SLC24A3: variants seen among roughly 807,000 people sequenced by gnomAD.
The protein encoded by SLC24A3 is sodium/potassium/calcium exchanger 3.
In SLC24A3, 28 loss-of-function variants were observed where a neutral mutation model predicts 75.8. That is an observed-to-expected ratio of 0.37 (90% confidence interval 0.27 to 0.51). The LOEUF is 0.51. Ranked by LOEUF, SLC24A3 falls within the 20% of genes least tolerant of loss-of-function variation. The pLI, the probability that SLC24A3 is intolerant of heterozygous loss-of-function variation, is 0.94. For missense variants in SLC24A3, 663 were observed against 847.8 expected, an observed-to-expected ratio of 0.78 and a Z score of 2.71; for synonymous variants, 372 against 334.1, an observed-to-expected ratio of 1.11 and a Z score of -1.24.
intron 2 of SLC24A3, among the ~76,000 whole-genome samples, chr20:19,327,806 A>G (rs11905882): frequency 6.6e-6 from 1 of 152,016 alleles, no homozygotes; most frequent in Non-Finnish European, 1.5e-5. Context: ...CATTCAATGT[A>G]TATTTATTGG....
Position 19,515,500 on chromosome 20 carries a change from T to TC in SLC24A3, c.288dup (p.Asn97GlnfsTer2). On this transcript the variant is annotated frameshift_variant, in exon 3 of 17. Coordinates refer to ENST00000328041, the MANE Select transcript of SLC24A3 (RefSeq NM_020689.4). LOFTEE classifies it high-confidence loss of function. Reference sequence around the variant, plus strand: ...CTCTGTTCTTTAGCCCTGCATGAATTCCCCAATGACATCTTCACAAACGAG... The same window carrying TC: ...CTCTGTTCTTTAGCCCTGCATGAATTCCCCCAATGACATCTTCACAAACGAG... The TC allele has an allele frequency of 6.2e-7, 1 of 1,614,158 alleles. No individual in the cohort carries two copies. The highest frequency in any genetic ancestry group is 8.5e-7 in the Non-Finnish European group (1 of 1,180,006).
Position 19,585,532 on chromosome 20 carries a change from C to G in SLC24A3, c.600C>G (p.Leu200=). Residue 200 remains leucine, a synonymous_variant, in exon 6 of 17, where the codon CTC becomes CTG. Transcript: ENST00000328041. ...TGTGCATCATTGGTGTCTGTGGGCT[C>G]TTTGCTGGGCAGGTAAGACTGGCGG... ...NILCIIGVCG[L]FAGQVVALSS... 6.2e-7 allele frequency: 1 copy of G among 1,613,982 alleles called. No individual in the cohort carries two copies. Among genetic ancestry groups the G allele is most frequent in the Non-Finnish European group, 8.5e-7 (1 of 1,179,976 alleles).
intron 6 of SLC24A3, among the ~76,000 whole-genome samples, chr20:19,620,872 G>GA (rs1255796857): frequency 2.0e-5 from 3 of 152,230 alleles, no homozygotes; most frequent in African/African-American, 4.8e-5. Flanking sequence ...GCATTTACCA[G>GA]AAAAAAATGT....
intron 8 of SLC24A3, among the ~76,000 whole-genome samples, chr20:19,672,508 T>A (rs2032480320): frequency 6.6e-6 from 1 of 152,084 alleles, no homozygotes; most frequent in Admixed American, 6.6e-5. Context: ...GCTAATTTTT[T>A]AATTTTTTTC....
chr20:19,379,258 G>A (rs577190518), intron 2 of SLC24A3, among the ~76,000 whole-genome samples: 35 of 152,232 alleles, frequency 2.3e-4, no homozygotes, highest in African/African-American at 7.9e-4. Context: ...ACTGTACTAG[G>A]AGCTGGGGGC....
chr20:19,548,606 A>T (rs1051709741), intron 3 of SLC24A3, among the ~76,000 whole-genome samples: 1 of 152,246 alleles, frequency 6.6e-6, no homozygotes, highest in Non-Finnish European at 1.5e-5. Flanking sequence ...CCAAGGTGTC[A>T]GCCATCAAAG....
chr20:19,470,252 T>G (rs1174576443), intron 2 of SLC24A3, among the ~76,000 whole-genome samples: 4 of 152,182 alleles, frequency 2.6e-5, no homozygotes, highest in African/African-American at 9.7e-5. Flanking sequence ...TTCCCAAAAG[T>G]GAAGCAGCCT....
chr20:19,293,636 A>T (rs769403422), intron 2 of SLC24A3, among the ~76,000 whole-genome samples: 1 of 149,656 alleles, frequency 6.7e-6, no homozygotes, highest in Non-Finnish European at 1.5e-5. Flanking sequence ...AACCTGGGCA[A>T]CATAACAAAA....
chr20:19,459,173 C>T (rs1161806044), intron 2 of SLC24A3, among the ~76,000 whole-genome samples: 2 of 152,210 alleles, frequency 1.3e-5, no homozygotes, highest in African/African-American at 2.4e-5. Context: ...ACCTGGTTTA[C>T]TGAGCTGCTT....
At chr20:19,490,493 A>G (rs1187884523) in intron 2 of SLC24A3, among the ~76,000 whole-genome samples, 2 of 152,126 alleles carry the variant, frequency 1.3e-5, no homozygotes, top group African/African-American at 2.4e-5. Flanking sequence ...TGCATCATTA[A>G]CCACCTAAAA....
In SLC24A3 at chr20:19,427,065, G is replaced by T. The variant is rs112947636; in HGVS notation, c.272-88423G>T. On this transcript the variant is annotated intron_variant, in intron 2 of 16. Transcript: ENST00000328041. ...TGTATGCCTGTGTGTGCGTGTGTGT[G>T]TGCATGTGTGTGTGTGCGTGTGTCT... Among the ~76,000 whole-genome samples the T allele has an allele frequency of 6.0e-3, 906 of 152,244 alleles. 7 individuals are homozygous for T. The highest frequency in any genetic ancestry group is 0.021 in the African/African-American group (859 of 41,552).
At chr20:19,573,134 T>C (rs2031079505) in intron 3 of SLC24A3, among the ~76,000 whole-genome samples, 1 of 152,116 alleles carries the variant, frequency 6.6e-6, no homozygotes, top group Admixed American at 6.5e-5. Flanking sequence ...TAAAAAGAAA[T>C]TGTCTGTGAA....
chr20:19,710,874 A>G (rs1012515704), intron 15 of SLC24A3, among the ~76,000 whole-genome samples: 1 of 152,270 alleles, frequency 6.6e-6, no homozygotes, highest in African/African-American at 2.4e-5. Flanking sequence ...ATTTTACTCT[A>G]TGCAAATTAT....
chr20:19,548,158 G>T (rs144884216), intron 3 of SLC24A3, among the ~76,000 whole-genome samples: 110 of 152,304 alleles, frequency 7.2e-4, no homozygotes, highest in Middle Eastern at 3.4e-3. Flanking sequence ...GCGCTTCTCG[G>T]CTCTTACTGG....
intron 15 of SLC24A3, among the ~76,000 whole-genome samples, chr20:19,702,451 A>G (rs2032884811): frequency 6.6e-6 from 1 of 152,164 alleles, no homozygotes; most frequent in Non-Finnish European, 1.5e-5. Context: ...GATCTACTTT[A>G]TCCTTGAAGT....
intron 9 of SLC24A3, among the ~76,000 whole-genome samples, chr20:19,679,175 A>G (rs35695066): frequency 0.45 from 68,423 of 150,754 alleles, 16,828 homozygotes; most frequent in South Asian, 0.62. Context: ...AGGTTGTAGC[A>G]AGCCGAGATC....
chr20:19,637,294 C>G (rs1049172640), intron 6 of SLC24A3, among the ~76,000 whole-genome samples: 3 of 152,228 alleles, frequency 2.0e-5, no homozygotes, highest in Non-Finnish European at 4.4e-5. Context: ...GAGCAAGACT[C>G]TGTCTCAAAA....
At chr20:19,523,072 C>T (rs891288003) in intron 3 of SLC24A3, among the ~76,000 whole-genome samples, 9 of 152,076 alleles carry the variant, frequency 5.9e-5, no homozygotes, top group African/African-American at 9.7e-5. Flanking sequence ...TTAAAACTGA[C>T]GAACAAATTC....
chr20:19,224,281 G>C (rs879003445), intron 1 of SLC24A3, among the ~76,000 whole-genome samples: 5 of 152,248 alleles, frequency 3.3e-5, no homozygotes, highest in Admixed American at 2.0e-4. Context: ...TAGTACAAAA[G>C]GAGTAGTCCA....
Sources: gnomAD v4.1 joint callset for allele counts (sites outside exome capture counted in the v4.1 genomes callset) on GRCh38, gnomAD v4.1.1 for gene constraint, MANE v1.5 for transcripts, NCBI Gene and HGNC (gene_info 2026-07-23, HGNC 2026-07-21) for gene names.